The following INO80D variants were observed in gnomAD, a reference collection of about 807,000 sequenced individuals.
The protein encoded by INO80D is INO80 complex subunit D.
INO80D carries 21 observed loss-of-function variants against 87.6 expected under a neutral mutation model. The observed-to-expected ratio is 0.24, with a 90% CI of 0.17 to 0.35. The LOEUF is 0.35. INO80D is among the 10% of genes least tolerant of loss of function. The pLI is 1.00. For synonymous variants in INO80D, 440 were observed against 491.0 expected (o/e 0.90, Z 1.37); for missense variants, 982 against 1,280.7 (o/e 0.77, Z 3.56).
intron 1 of INO80D, among the ~76,000 whole-genome samples, chr2:206,065,791 C>A (rs1177401978): frequency 6.6e-6 from 1 of 152,164 alleles, no homozygotes; most frequent in Admixed American, 6.5e-5. Flanking sequence ...GGAAAAAATG[C>A]TGAACATCAC....
chr2:206,043,485 T>C (rs1689109075), intron 5 of INO80D, among the ~76,000 whole-genome samples: 1 of 151,074 alleles, frequency 6.6e-6, no homozygotes, highest in Non-Finnish European at 1.5e-5. Context: ...GGGCCAATTT[T>C]CATTTCTTTT....
At chr2:206,017,633 C>G (rs1289321806) in intron 8 of INO80D, 47 bp downstream of exon 8, 1 of 1,451,638 alleles carries the variant, frequency 6.9e-7, no homozygotes, top group East Asian at 2.5e-5. Flanking sequence ...ATACTTCCTA[C>G]AGTGGATAGC....
intron 8 of INO80D, among the ~76,000 whole-genome samples, 170 bp from the exon 9 acceptor site, chr2:206,009,964 T>C (rs1688126536): frequency 6.6e-6 from 1 of 152,118 alleles, no homozygotes. Flanking sequence ...AATTCCAAGA[T>C]CTACATTTTA....
chr2:205,996,997 C>T lies in INO80D; in HGVS notation c.*7371G>A, dbSNP rs1361797295. 2.0e-5 allele frequency: 3 copies of T among 151,984 alleles called. No homozygotes were observed. The highest frequency in any genetic ancestry group is 3.8e-4 in the East Asian group (2 of 5,196). 9.4% of individuals were successfully genotyped at this position (151,984 alleles called of 1,614,324 possible). On this transcript the variant is annotated 3_prime_UTR_variant, in exon 11 of 11. Coordinates refer to ENST00000403263, the MANE Select transcript of INO80D (RefSeq NM_017759.5). ...CTGTAGAAAAGAACAGCATATAGAG[C>T]TTTCCTAGATCTTCACTATATCTAA...
At chr2:206,025,248 C>A (rs75136288) in intron 6 of INO80D, among the ~76,000 whole-genome samples, 1 of 151,362 alleles carries the variant, frequency 6.6e-6, no homozygotes, top group Non-Finnish European at 1.5e-5. Context: ...TAATAACTGG[C>A]CACGCATGGT....
intron 4 of INO80D, among the ~76,000 whole-genome samples, chr2:206,050,062 G>A (rs1436163739): frequency 1.3e-5 from 2 of 152,050 alleles, no homozygotes; most frequent in African/African-American, 4.8e-5. Flanking sequence ...GAAGCTGGGA[G>A]GCAGAGGTTG....
At position 206,020,524 on chromosome 2, in the gene INO80D, C is replaced by A. The variant is rs183149733; in HGVS notation, c.1299-679G>T. The stretch of plus-strand genomic sequence containing the variant: ...CTGATACGCAGAAATGGCTGAGTGG[C>A]TTTTATCCTCCAAAGTGAACTCACT... On this transcript the variant is annotated intron_variant, in intron 6 of 10. Coordinates refer to ENST00000403263, the MANE Select transcript of INO80D (RefSeq NM_017759.5). 8.2e-4 allele frequency among the ~76,000 whole-genome samples: 125 copies of A among 152,230 alleles called. 1 individual carries two copies. Among genetic ancestry groups the A allele is most frequent in the African/African-American group, 2.9e-3 (119 of 41,528 alleles).
intron 6 of INO80D, among the ~76,000 whole-genome samples, chr2:206,020,212 C>CTT (rs1688423495): frequency 6.6e-6 from 1 of 152,140 alleles, no homozygotes; most frequent in Admixed American, 6.6e-5. Context: ...CTCCCTCTTA[C>CTT]TAGCTGTGTG....
At chr2:206,049,360 G>T (rs887538322) in intron 4 of INO80D, among the ~76,000 whole-genome samples, 1 of 152,106 alleles carries the variant, frequency 6.6e-6, no homozygotes, top group Non-Finnish European at 1.5e-5. Flanking sequence ...AGGTAAAAAA[G>T]CAATTAAATG....
At chr2:206,071,104 GCATGCCAC>G (rs1689953776) in intron 1 of INO80D, among the ~76,000 whole-genome samples, 1 of 151,476 alleles carries the variant, frequency 6.6e-6, no homozygotes, top group Non-Finnish European at 1.5e-5. Context: ...GATTACAGGT[GCATGCCAC>G]CATGCTCAGG....
rs1031255495 is a variant in INO80D at position 205,998,382 on chromosome 2, A to G, written c.*5986T>C. On this transcript the variant is annotated 3_prime_UTR_variant, in exon 11 of 11. Coordinates refer to ENST00000403263, the MANE Select transcript of INO80D (RefSeq NM_017759.5). Reference sequence around the variant, plus strand: ...TATTTTATATATCTGCAAGGTAGCAAAGGATAGCTATACACCTTGACACGG... The same window carrying G: ...TATTTTATATATCTGCAAGGTAGCAGAGGATAGCTATACACCTTGACACGG... 6.6e-6 allele frequency: 1 copy of G among 151,568 alleles called. No individual in the cohort carries two copies. Among genetic ancestry groups the G allele is most frequent in the Non-Finnish European group, 1.5e-5 (1 of 67,902 alleles). The allele number at this position is 151,568 out of a possible 1,614,324, so 9.4% of individuals were successfully genotyped here.
chr2:206,084,185 T>C (rs1338145506), intron 1 of INO80D, among the ~76,000 whole-genome samples: 1 of 151,460 alleles, frequency 6.6e-6, no homozygotes, highest in African/African-American at 2.4e-5. Flanking sequence ...TGTTTATATA[T>C]GCATATAAAA....
At chr2:206,045,916 C>T (rs1184037082) in intron 5 of INO80D, among the ~76,000 whole-genome samples, 1 of 152,168 alleles carries the variant, frequency 6.6e-6, no homozygotes, top group Non-Finnish European at 1.5e-5. Flanking sequence ...GCCTTGCTTT[C>T]CTCTTCTGTA....
In INO80D at chr2:205,998,298, AG is replaced by A. The variant is rs994996736; in HGVS notation, c.*6069del. On this transcript the variant is annotated 3_prime_UTR_variant, in exon 11 of 11. Coordinates refer to ENST00000403263, the MANE Select transcript of INO80D (RefSeq NM_017759.5). The stretch of plus-strand genomic sequence containing the variant: ...AAAGAACATGATTCTCAACAGTTCT[AG>A]GAACAGTTATAAATGGTCTAAAGGT... 1.3e-5 allele frequency: 2 copies of A among 152,154 alleles called. No individual in the cohort carries two copies. The highest frequency in any genetic ancestry group is 4.8e-5 in the African/African-American group (2 of 41,440). The allele number at this position is 152,154 out of a possible 1,614,324, so 9.4% of individuals were successfully genotyped here.
chr2:206,060,496 T>A (rs1373385202), intron 3 of INO80D, among the ~76,000 whole-genome samples: 1 of 150,528 alleles, frequency 6.6e-6, no homozygotes, highest in Non-Finnish European at 1.5e-5. Context: ...CATGCCACTG[T>A]ACTTCAGCCT....
In INO80D at chr2:206,028,229, G is replaced by A. The variant is rs770410559; in HGVS notation, c.1180C>T (p.Arg394Cys). The change falls in exon 6 of 11, where the codon CGT becomes TGT. Residue 394 changes from arginine to cysteine, a missense_variant. Transcript: ENST00000403263. ...HLCRLERAES[R>C]QKKCRHTFRK... Reference sequence around the variant, plus strand: ...AACGTATGCCGGCATTTCTTTTGACGAGATTCTGCCCGCTCCAGGCGGCAG... The same window carrying A: ...AACGTATGCCGGCATTTCTTTTGACAAGATTCTGCCCGCTCCAGGCGGCAG... 35 of 1,613,776 alleles carry A rather than the reference G, an allele frequency of 2.2e-5. No individual in the cohort carries two copies. The highest frequency in any genetic ancestry group is 1.3e-4 in the East Asian group (6 of 44,886).
chr2:206,039,300 G>A (rs904535353), intron 5 of INO80D, among the ~76,000 whole-genome samples: 6 of 151,978 alleles, frequency 3.9e-5, no homozygotes, highest in African/African-American at 1.5e-4. Context: ...GGGAGGCTGA[G>A]GCAAGAGAAT....
At chr2:206,027,326 AT>A (rs1251742796) in intron 6 of INO80D, among the ~76,000 whole-genome samples, 1 of 152,176 alleles carries the variant, frequency 6.6e-6, no homozygotes, top group African/African-American at 2.4e-5. Context: ...AACAGAAGGA[AT>A]TTTTTTCTTA....
intron 3 of INO80D, among the ~76,000 whole-genome samples, chr2:206,060,506 T>C (rs796307250): frequency 1.8e-4 from 27 of 149,110 alleles, no homozygotes; most frequent in African/African-American, 6.4e-4. Context: ...TACTTCAGCC[T>C]AGGCAACAGT....
Sources: allele counts gnomAD v4.1 joint callset (sites outside exome capture counted in the v4.1 genomes callset), GRCh38; gene constraint gnomAD v4.1.1; transcripts MANE v1.5; gene names NCBI Gene and HGNC (gene_info 2026-07-23, HGNC 2026-07-21).